PSMD4: variants seen among roughly 807,000 people sequenced by gnomAD.
PSMD4 encodes proteasome 26S subunit ubiquitin receptor, non-ATPase 4.
A neutral mutation model predicts 39.7 loss-of-function variants in PSMD4; 5 were observed. The ratio of observed to expected loss-of-function variants is 0.13; its 90% CI spans 0.07 to 0.26. The LOEUF (loss-of-function observed/expected upper bound fraction) is 0.26, where lower values mean the gene tolerates loss of function less well. Among genes scored for constraint, PSMD4 ranks in the 10% least tolerant of loss-of-function variants. The pLI is 1.00. For missense variants in PSMD4, 272 were observed against 486.1 expected (o/e 0.56, Z 4.14); for synonymous variants, 143 against 174.6 (o/e 0.82, Z 1.43).
chr1:151,263,371 C>T (rs1013177112), intron 2 of PSMD4, among the ~76,000 whole-genome samples: 11 of 151,554 alleles, frequency 7.3e-5, no homozygotes, highest in South Asian at 2.1e-4. Flanking sequence ...GGCTGATGCA[C>T]GAGAATTACT....
At position 151,267,351 on chromosome 1, in the gene PSMD4, G is replaced by A; in HGVS notation, c.*8G>A. On this transcript the variant is annotated 3_prime_UTR_variant, in exon 10 of 10. Transcript: ENST00000368884. Reference sequence around the variant, plus strand: ...GAGGAAGACAAGAAGTGAGACTGGAGGGAAAGGGTAGCTGAGTCTGCTTAG... The same window carrying A: ...GAGGAAGACAAGAAGTGAGACTGGAAGGAAAGGGTAGCTGAGTCTGCTTAG... 1 of 1,613,590 alleles carries A rather than the reference G, an allele frequency of 6.2e-7. No individual in the cohort carries two copies.
chr1:151,256,231 C>T (rs1327884179), intron 1 of PSMD4, among the ~76,000 whole-genome samples: 4 of 150,766 alleles, frequency 2.7e-5, no homozygotes, highest in African/African-American at 7.3e-5. Context: ...GTAGTCCCAG[C>T]TACTCCAGAG....
Position 151,263,264 on chromosome 1 carries a change from G to A in PSMD4, c.168-650G>A, listed in dbSNP as rs587658071. On this transcript the variant is annotated intron_variant, in intron 2 of 9. Transcript: ENST00000368884. The stretch of plus-strand genomic sequence containing the variant: ...GGATCACTTGAGGTCAGGATTTCGA[G>A]ACCAGCCTGACCAACATGGCAAAAC... Among the ~76,000 whole-genome samples the A allele has an allele frequency of 2.0e-5, 3 of 151,874 alleles. No individual in the cohort carries two copies. The South Asian group carries it at 6.2e-4, about 32-fold the overall frequency.
intron 2 of PSMD4, 24 bp downstream of exon 2, chr1:151,262,325 G>A (rs1430282102): frequency 1.2e-6 from 2 of 1,613,910 alleles, no homozygotes; most frequent in African/African-American, 1.3e-5. Context: ...AGGAGGAGGG[G>A]ACTCAGTAGG....
At chr1:151,263,664 TAAA>T (rs1208218635) in intron 2 of PSMD4, 3 of 256,022 alleles carry the variant, frequency 1.2e-5, no homozygotes, top group South Asian at 5.3e-5. Flanking sequence ...CCGTCTCTAC[TAAA>T]AAAAATACAA....
chr1:151,257,080 T>C (rs1315650068), intron 1 of PSMD4, among the ~76,000 whole-genome samples: 2 of 152,232 alleles, frequency 1.3e-5, no homozygotes, highest in African/African-American at 4.8e-5. Flanking sequence ...TTTTGGGTTT[T>C]ACCTTGTCTT....
Position 151,264,881 on chromosome 1 carries a change from C to T in PSMD4, c.332C>T (p.Ala111Val). The T allele has an allele frequency of 6.2e-7, 1 of 1,613,738 alleles. No homozygotes were observed. Among genetic ancestry groups the T allele is most frequent in the South Asian group, 1.1e-5 (1 of 90,958 alleles). Residue 111 changes from alanine to valine, a missense_variant, in exon 4 of 10, where the codon GCC (alanine) becomes GTC (valine). This residue lies in a region of PSMD4 where 153 missense variants were observed against 257.6 expected (regional missense o/e 0.59). Coordinates refer to ENST00000368884, the MANE Select transcript of PSMD4 (RefSeq NM_002810.4). The stretch of plus-strand genomic sequence containing the variant: ...AAGAATCACAAGATGCGCATCATTG[C>T]CTTTGTGGGAAGCCCAGTGGAGGAC... ...QGKNHKMRII[A>V]FVGSPVEDNE... is the part of the protein sequence containing the mutation.
intron 9 of PSMD4, 54 bp from the exon 10 acceptor site, chr1:151,267,119 G>A: frequency 1.2e-6 from 2 of 1,605,664 alleles, no homozygotes; most frequent in Non-Finnish European, 1.7e-6. Context: ...CTTAACACCT[G>A]CTTACTTCCT....
rs1234027523 is a variant in PSMD4, at chr1:151,261,163, ATTTTTTTTTTCTTTTTCT to A, written c.27-987_27-970del. ...TCACTGTGCCCAGCCTATTTTATAG[ATTTTTTTTTTCTTTTTCT>A]TTTTTTTTTTTTTTTTTTGAGACGA... is the stretch of plus-strand genomic sequence containing the variant. On this transcript the variant is annotated intron_variant, in intron 1 of 9. Coordinates refer to ENST00000368884, the MANE Select transcript of PSMD4 (RefSeq NM_002810.4). Among the ~76,000 whole-genome samples, 6 of 125,454 alleles carry A rather than the reference ATTTTTTTTTTCTTTTTCT, an allele frequency of 4.8e-5. No individual in the cohort carries two copies. The East Asian group carries it at 7.1e-4, about 15-fold the overall frequency. 82.3% of individuals were successfully genotyped at this position (125,454 alleles called of 152,430 possible).
Position 151,254,815 on chromosome 1 carries a change from A to G in PSMD4, c.26+7A>G. Reference sequence around the variant, plus strand: ...TGGAAAGCACTATGGTGTGGTGAGGAGCTACTTCGGGGCAGGAGGGGCAGA... The same window carrying G: ...TGGAAAGCACTATGGTGTGGTGAGGGGCTACTTCGGGGCAGGAGGGGCAGA... On this transcript the variant is annotated splice_region_variant and intron_variant, in intron 1 of 9. Transcript: ENST00000368884. 1.3e-6 allele frequency: 2 copies of G among 1,521,090 alleles called. No individual in the cohort carries two copies. Among genetic ancestry groups the G allele is most frequent in the Non-Finnish European group, 1.8e-6 (2 of 1,141,168 alleles). 94.2% of individuals were successfully genotyped at this position (1,521,090 alleles called of 1,614,324 possible).
chr1:151,254,745 G>A lies in PSMD4; in HGVS notation c.-38G>A. ...CAATTGGAGGAGTTGTTGTTAGGCC[G>A]TCCCGGAGACCCGGTCGGGAGGGAG... is the stretch of plus-strand genomic sequence containing the variant. On this transcript the variant is annotated 5_prime_UTR_variant, in exon 1 of 10. Transcript: ENST00000368884. 3.2e-6 allele frequency: 5 copies of A among 1,549,962 alleles called. No individual in the cohort carries two copies. Among genetic ancestry groups the A allele is most frequent in the Admixed American group, 2.0e-5 (1 of 50,290 alleles).
intron 9 of PSMD4, 148 bp downstream of exon 9, chr1:151,266,735 C>A: frequency 2.0e-6 from 2 of 1,007,740 alleles, no homozygotes; most frequent in Non-Finnish European, 3.0e-6. Context: ...GTAAACCTTG[C>A]TAAGGTAGCA....
At chr1:151,266,461 G>A (rs769965476) in intron 8 of PSMD4, 22 bp downstream of exon 8, 17 of 1,614,226 alleles carry the variant, frequency 1.1e-5, no homozygotes, top group Admixed American at 1.7e-5. Flanking sequence ...CCTGGGTGGT[G>A]CCTAGGCAGA....
At position 151,266,576 on chromosome 1, in the gene PSMD4, G is replaced by A. The variant is rs770060372; in HGVS notation, c.952G>A (p.Glu318Lys). Reference protein sequence around the residue: ...IDASSAMDTSEPAKEEDDYDV... With the variant: ...IDASSAMDTSKPAKEEDDYDV... ...TGCCAGCTCAGCTATGGACACATCT[G>A]AGCCAGCCAAGGTGAGACCCAACCC... The change falls in exon 9 of 10, where the codon GAG becomes AAG. Residue 318 changes from glutamate to lysine, a missense_variant. Around this residue, in one of 3 missense-constraint regions of PSMD4, gnomAD observed 113 missense variants for 184.6 expected, o/e 0.61. Transcript: ENST00000368884. 2.5e-6 allele frequency: 4 copies of A among 1,614,136 alleles called. No homozygotes were observed. Among genetic ancestry groups the A allele is most frequent in the Non-Finnish European group, 3.4e-6 (4 of 1,180,010 alleles).
In PSMD4 at chr1:151,266,481, G is replaced by C. The variant is rs752740527; in HGVS notation, c.896-39G>C. On this transcript the variant is annotated intron_variant, in intron 8 of 9. Coordinates refer to ENST00000368884, the MANE Select transcript of PSMD4 (RefSeq NM_002810.4). ...GTGGTGCCTAGGCAGAGGTTGGGGTGAGGAAGTGTAACTGAACAGACTGAC... is the reference window on the plus strand; with the variant it reads ...GTGGTGCCTAGGCAGAGGTTGGGGTCAGGAAGTGTAACTGAACAGACTGAC... 5 of 1,614,204 alleles carry C rather than the reference G, an allele frequency of 3.1e-6. No individual in the cohort carries two copies. In the Admixed American group the frequency reaches 8.3e-5, roughly 27 times the overall value.
intron 7 of PSMD4, 29 bp from the exon 8 acceptor site, chr1:151,266,279 C>A: frequency 1.2e-6 from 2 of 1,613,790 alleles, no homozygotes; most frequent in South Asian, 2.2e-5. Context: ...GGCACCAATT[C>A]TACCCTGCTC....
At position 151,267,415 on chromosome 1, in the gene PSMD4, G is replaced by C; in HGVS notation, c.*72G>C. The C allele has an allele frequency of 6.6e-7, 1 of 1,508,450 alleles. No homozygotes were observed. Among genetic ancestry groups the C allele is most frequent in the East Asian group, 2.3e-5 (1 of 44,034 alleles). The allele number at this position is 1,508,450 out of a possible 1,614,324, so 93.4% of individuals were successfully genotyped here. On this transcript the variant is annotated 3_prime_UTR_variant, in exon 10 of 10. Transcript: ENST00000368884. The stretch of plus-strand genomic sequence containing the variant: ...AAGCACGGAATATAGGGTTAGATGT[G>C]TGTTATCTGTAACCATTACAGCCTA...
At chr1:151,263,325 G>A (rs755449873) in intron 2 of PSMD4, among the ~76,000 whole-genome samples, 15 of 151,888 alleles carry the variant, frequency 9.9e-5, no homozygotes, top group South Asian at 2.1e-4. Context: ...TTAGCCGGGC[G>A]TGGTGGTGTA....
intron 1 of PSMD4, among the ~76,000 whole-genome samples, chr1:151,261,791 C>CA (rs1020655736): frequency 2.0e-5 from 3 of 151,374 alleles, no homozygotes; most frequent in African/African-American, 4.9e-5. Flanking sequence ...CCTGTCTCTA[C>CA]AAAAAAAATT....
Sources: gnomAD v4.1 joint callset for allele counts (sites outside exome capture counted in the v4.1 genomes callset) on GRCh38, gnomAD v4.1.1 for gene constraint, gnomAD v4.1.1 regional missense constraint, MANE v1.5 for transcripts, NCBI Gene and HGNC (gene_info 2026-07-23, HGNC 2026-07-21) for gene names.